Variants in FYCO1 observed in about 807,000 individuals in gnomAD.
FYCO1 encodes the protein FYVE and coiled-coil domain autophagy adaptor 1.
FYCO1 carries 122 observed loss-of-function variants against 165.1 expected under a neutral mutation model. The ratio of observed to expected loss-of-function variants is 0.74; its 90% CI spans 0.64 to 0.86. The LOEUF is 0.86. FYCO1 is among the 40% of genes least tolerant of loss of function. The probability of loss-of-function intolerance (pLI) is 0.00; values close to 1 mark genes in which losing one functional copy is unlikely to be tolerated. For missense variants in FYCO1, 1,702 were observed against 1,810.3 expected, an observed-to-expected ratio of 0.94 and a Z score of 1.09; for synonymous variants, 648 against 742.5, an observed-to-expected ratio of 0.87 and a Z score of 2.07.
chr3:45,948,744 G>A (rs191980332), intron 14 of FYCO1, among the ~76,000 whole-genome samples: 1 of 152,322 alleles, frequency 6.6e-6, no homozygotes. Context: ...AGAGAAGTAG[G>A]CCAGAACTGA....
intron 4 of FYCO1, among the ~76,000 whole-genome samples, 154 bp downstream of exon 4, chr3:45,979,551 C>T (rs565273910): frequency 9.2e-5 from 14 of 152,358 alleles, no homozygotes; most frequent in Admixed American, 2.0e-4. Context: ...TGAGCCACTG[C>T]AACAATGGGC....
intron 8 of FYCO1, 108 bp downstream of exon 8, chr3:45,966,169 C>T: frequency 1.7e-6 from 2 of 1,167,848 alleles, no homozygotes; most frequent in Non-Finnish European, 1.3e-6. Flanking sequence ...ACCCACAGTA[C>T]ATTCTCCAGC....
chr3:45,991,936 A>T lies in FYCO1; in HGVS notation c.-113+3786T>A, dbSNP rs190315380. ...TGGAACTGGTGAGTTTATAAGGGGA[A>T]TTCTGGACACACACAAGAGATACCA... is the stretch of plus-strand genomic sequence containing the variant. On this transcript the variant is annotated intron_variant, in intron 1 of 17. Transcript: ENST00000296137. 2.9e-3 allele frequency among the ~76,000 whole-genome samples: 447 copies of T among 152,324 alleles called. 1 individual carries two copies. Among genetic ancestry groups the T allele is most frequent in the Non-Finnish European group, 5.0e-3 (337 of 68,018 alleles).
intron 14 of FYCO1, among the ~76,000 whole-genome samples, chr3:45,949,954 C>T (rs556437815): frequency 2.0e-5 from 3 of 152,284 alleles, no homozygotes; most frequent in Admixed American, 6.5e-5. Flanking sequence ...GGGGAATAAA[C>T]GCGGGCACAG....
At chr3:45,947,029 A>G (rs369843788) in intron 14 of FYCO1, 4 of 1,614,212 alleles carry the variant, frequency 2.5e-6, no homozygotes, top group African/African-American at 1.3e-5. Flanking sequence ...TGTGGTTACC[A>G]TGACGAGGCA....
In FYCO1 at chr3:45,920,500, C is replaced by G. The variant is rs549207334; in HGVS notation, c.*1265G>C. The G allele has an allele frequency of 6.6e-6, 1 of 152,222 alleles. No homozygotes were observed. Among genetic ancestry groups the G allele is most frequent in the South Asian group, 2.1e-4 (1 of 4,788 alleles). 9.4% of individuals were successfully genotyped at this position (152,222 alleles called of 1,614,324 possible). A position where few individuals can be genotyped will look rare whatever the true frequency, so the allele number is the denominator to read the frequency against. On this transcript the variant is annotated 3_prime_UTR_variant, in exon 18 of 18. Coordinates refer to ENST00000296137, the MANE Select transcript of FYCO1 (RefSeq NM_024513.4). Reference sequence around the variant, plus strand: ...GGCAGCTGGTTCCATGAACAAGGGACGAAGAGCTGTCCAAGGTGAGCTATC... The same window carrying G: ...GGCAGCTGGTTCCATGAACAAGGGAGGAAGAGCTGTCCAAGGTGAGCTATC...
chr3:45,983,870 C>T (rs1470850599), intron 2 of FYCO1, among the ~76,000 whole-genome samples: 1 of 152,124 alleles, frequency 6.6e-6, no homozygotes, highest in Non-Finnish European at 1.5e-5. Flanking sequence ...TATCAGAGGC[C>T]CAAGGCATGG....
chr3:45,978,178 C>T (rs9824752), intron 4 of FYCO1, among the ~76,000 whole-genome samples: 2,630 of 152,294 alleles, frequency 0.017, 80 homozygotes, highest in African/African-American at 0.058. Flanking sequence ...CTGGGGAATG[C>T]GGACTAAAAC....
intron 5 of FYCO1, among the ~76,000 whole-genome samples, chr3:45,974,196 T>C (rs1461414404): frequency 1.3e-5 from 2 of 152,122 alleles, no homozygotes; most frequent in African/African-American, 4.8e-5. Context: ...CTGGGCAACA[T>C]AGTGAGACCC....
At chr3:45,976,337 G>A (rs1043228134) in intron 4 of FYCO1, among the ~76,000 whole-genome samples, 2 of 152,240 alleles carry the variant, frequency 1.3e-5, no homozygotes, top group African/African-American at 2.4e-5. Context: ...TGCAAAGCAG[G>A]GCTCTGTCAG....
chr3:45,929,239 CT>C (rs1279749861), intron 16 of FYCO1, among the ~76,000 whole-genome samples: 2 of 152,234 alleles, frequency 1.3e-5, no homozygotes, highest in Non-Finnish European at 2.9e-5. Flanking sequence ...CTTCTGCCCC[CT>C]GGTGTCACTG....
At chr3:45,933,461 C>A (rs1247948422) in intron 15 of FYCO1, among the ~76,000 whole-genome samples, 2 of 152,170 alleles carry the variant, frequency 1.3e-5, no homozygotes, top group African/African-American at 4.8e-5. Context: ...CAAAGACCTG[C>A]CTTGGATCTG....
rs536935671 is a variant in FYCO1 at position 45,977,674 on chromosome 3, G to A, written c.288+2031C>T. Among the ~76,000 whole-genome samples the A allele has an allele frequency of 4.6e-5, 7 of 151,724 alleles. No homozygotes were observed. The South Asian group carries it at 1.3e-3, about 27-fold the overall frequency. On this transcript the variant is annotated intron_variant, in intron 4 of 17. Coordinates refer to ENST00000296137, the MANE Select transcript of FYCO1 (RefSeq NM_024513.4). ...AACCAGGTCATTGTGCCAAGAGCCC[G>A]ATGCCGAGCTACACCCTCATCACAG...
intron 14 of FYCO1, chr3:45,938,074 G>A: frequency 2.2e-6 from 1 of 447,022 alleles, no homozygotes; most frequent in Non-Finnish European, 4.3e-6. Flanking sequence ...GACACTGAAA[G>A]CTGTACTTGG....
In FYCO1 at chr3:45,931,000, C is replaced by T. The variant is rs41289614; in HGVS notation, c.4251+71G>A. ...AGAGGATAGGATGGCCACTGCCCTG[C>T]TTTGAGAAAGGCCTGCCCAAGTACC... is the stretch of plus-strand genomic sequence containing the variant. On this transcript the variant is annotated intron_variant, in intron 16 of 17. Coordinates refer to ENST00000296137, the MANE Select transcript of FYCO1 (RefSeq NM_024513.4). The T allele has an allele frequency of 0.082, 118,468 of 1,444,440 alleles. 5,440 individuals carry two copies. Among genetic ancestry groups the T allele is most frequent in the Non-Finnish European group, 0.093 (96,555 of 1,037,680 alleles). 89.5% of individuals were successfully genotyped at this position (1,444,440 alleles called of 1,614,324 possible). A position where few individuals can be genotyped will look rare whatever the true frequency, so the allele number is the denominator to read the frequency against.
intron 4 of FYCO1, among the ~76,000 whole-genome samples, chr3:45,979,381 G>T (rs995284935): frequency 6.6e-6 from 1 of 152,186 alleles, no homozygotes; most frequent in Non-Finnish European, 1.5e-5. Context: ...AAAAGATGGA[G>T]TCATCCTATG....
At chr3:45,945,232 T>C (rs969181536) in intron 14 of FYCO1, 20 of 152,238 alleles carry the variant, frequency 1.3e-4, no homozygotes, top group African/African-American at 4.8e-4. Context: ...TATTTTGACT[T>C]TGCTGGCAGA....
rs57543574 is a variant in FYCO1 at position 45,977,350 on chromosome 3, AATATATATATATATAT to A, written c.289-2021_289-2006del. Among the ~76,000 whole-genome samples the A allele has an allele frequency of 2.2e-3, 245 of 112,646 alleles. 1 individual carries two copies. The highest frequency in any genetic ancestry group is 5.4e-3 in the African/African-American group (131 of 24,290). The allele number at this position is 112,646 out of a possible 152,430, so 73.9% of individuals were successfully genotyped here. ...TTAATCAGGCCCATTAACTGAATTA[AATATATATATATATAT>A]ATATATATATATATATATATATATA... is the stretch of plus-strand genomic sequence containing the variant. On this transcript the variant is annotated intron_variant, in intron 4 of 17. Coordinates refer to ENST00000296137, the MANE Select transcript of FYCO1 (RefSeq NM_024513.4).
intron 8 of FYCO1, among the ~76,000 whole-genome samples, 194 bp downstream of exon 8, chr3:45,966,083 C>T (rs1032379214): frequency 2.9e-4 from 44 of 152,216 alleles, no homozygotes; most frequent in African/African-American, 9.9e-4. Context: ...CAATGTTCTG[C>T]GCCTAACATA....
Sources: allele counts gnomAD v4.1 joint callset (sites outside exome capture counted in the v4.1 genomes callset), GRCh38; gene constraint gnomAD v4.1.1; transcripts MANE v1.5; gene names NCBI Gene and HGNC (gene_info 2026-07-23, HGNC 2026-07-21).